The following CAMK1D variants were observed in gnomAD, a reference collection of about 807,000 sequenced individuals.
CAMK1D encodes the protein calcium/calmodulin-dependent protein kinase type 1D.
Under a neutral mutation model 47.7 loss-of-function variants are expected in CAMK1D, and 9 were observed. That is an observed-to-expected ratio of 0.19 (90% CI 0.11 to 0.33). The LOEUF is 0.33. Ranked by LOEUF, CAMK1D falls within the 10% of genes least tolerant of loss-of-function variation. The pLI is 1.00. For missense variants in CAMK1D, 291 were observed against 488.7 expected, an observed-to-expected ratio of 0.60 and a Z score of 3.81; for synonymous variants, 184 against 184.9, an observed-to-expected ratio of 0.99 and a Z score of 0.04.
At chr10:12,716,472 C>G (rs1005912985) in intron 3 of CAMK1D, among the ~76,000 whole-genome samples, 2 of 152,088 alleles carry the variant, frequency 1.3e-5, no homozygotes, top group Non-Finnish European at 2.9e-5. Flanking sequence ...ACGTGTTGAG[C>G]CAATTTGTTC....
intron 1 of CAMK1D, among the ~76,000 whole-genome samples, chr10:12,424,077 C>T (rs1389297891): frequency 6.6e-6 from 1 of 152,146 alleles, no homozygotes; most frequent in Non-Finnish European, 1.5e-5. Context: ...GAAACTTCTC[C>T]CTCGCATGTC....
chr10:12,374,258 C>CA lies in CAMK1D; in HGVS notation c.92+24370dup, dbSNP rs56312810. ...CTTGTGACAGAGCGAGACTCTGTCT[C>CA]AAAAAAAAAAAAAAAAAAAAAAGAA... On this transcript the variant is annotated intron_variant, in intron 1 of 10. Coordinates refer to ENST00000619168, the MANE Select transcript of CAMK1D (RefSeq NM_153498.4). 2.5e-3 allele frequency among the ~76,000 whole-genome samples: 233 copies of CA among 91,642 alleles called. 3 individuals carry two copies. The highest frequency in any genetic ancestry group is 5.8e-3 in the Middle Eastern group (1 of 172). 60.1% of individuals were successfully genotyped at this position (91,642 alleles called of 152,430 possible).
chr10:12,787,132 AAAGAAG>A (rs61193558), intron 5 of CAMK1D, among the ~76,000 whole-genome samples: 38,616 of 150,896 alleles, frequency 0.26, 5,255 homozygotes, highest in South Asian at 0.41. Flanking sequence ...CAAAGAAAAA[AAAGAAG>A]AAGAAGAAGA....
chr10:12,574,442 C>T (rs1837426827), intron 2 of CAMK1D, among the ~76,000 whole-genome samples: 1 of 144,414 alleles, frequency 6.9e-6, no homozygotes, highest in Non-Finnish European at 1.5e-5. Context: ...GCTGGGATTA[C>T]AGGTGCACAC....
At chr10:12,767,369 G>A (rs1836816058) in intron 4 of CAMK1D, among the ~76,000 whole-genome samples, 1 of 152,012 alleles carries the variant, frequency 6.6e-6, no homozygotes. Flanking sequence ...TAGAGACGGG[G>A]TTTCTCCATG....
At chr10:12,560,041 A>G (rs1395814980) in intron 2 of CAMK1D, among the ~76,000 whole-genome samples, 1 of 152,154 alleles carries the variant, frequency 6.6e-6, no homozygotes, top group East Asian at 1.9e-4. Context: ...AATGCGGACC[A>G]GAGGGAGGGC....
At chr10:12,385,321 A>ATG (rs1290763691) in intron 1 of CAMK1D, among the ~76,000 whole-genome samples, 2 of 152,246 alleles carry the variant, frequency 1.3e-5, no homozygotes, top group Non-Finnish European at 2.9e-5. Context: ...AGTGTTATTG[A>ATG]TGTAGCCAAA....
chr10:12,537,428 C>T (rs1263868423), intron 1 of CAMK1D, among the ~76,000 whole-genome samples: 1 of 152,154 alleles, frequency 6.6e-6, no homozygotes, highest in African/African-American at 2.4e-5. Flanking sequence ...CAGGTATAGC[C>T]AGATTAGTTT....
At chr10:12,652,618 G>A (rs1441061578) in intron 2 of CAMK1D, among the ~76,000 whole-genome samples, 3 of 152,000 alleles carry the variant, frequency 2.0e-5, no homozygotes, top group African/African-American at 7.2e-5. Flanking sequence ...AAAACTAGGT[G>A]AATAGTAACG....
chr10:12,621,801 TTG>T (rs34900693), intron 2 of CAMK1D, among the ~76,000 whole-genome samples: 14 of 151,634 alleles, frequency 9.2e-5, no homozygotes, highest in Non-Finnish European at 1.8e-4. Flanking sequence ...TTAGTTCTAG[TTG>T]TGTGTGTGTG....
At position 12,763,780 on chromosome 10, in the gene CAMK1D, GATTATTATAAA is replaced by G. The variant is rs112007771; in HGVS notation, c.438+2695_438+2705del. On this transcript the variant is annotated intron_variant, in intron 4 of 10. Transcript: ENST00000619168. The stretch of plus-strand genomic sequence containing the variant: ...CGATCTTATTAAAGCTTATTATGTG[GATTATTATAAA>G]GTGTTGGGGTTGATATTCCAACTCA... Among the ~76,000 whole-genome samples the G allele has an allele frequency of 9.4e-3, 1,438 of 152,304 alleles. 28 individuals carry two copies. Among genetic ancestry groups the G allele is most frequent in the African/African-American group, 0.033 (1,354 of 41,558 alleles).
At chr10:12,515,350 G>A (rs1013039498) in intron 1 of CAMK1D, among the ~76,000 whole-genome samples, 8 of 149,710 alleles carry the variant, frequency 5.3e-5, no homozygotes, top group Non-Finnish European at 8.9e-5. Flanking sequence ...TGTCCAGCCC[G>A]AAGCCTCGGC....
chr10:12,465,914 C>G (rs1156522324), intron 1 of CAMK1D, among the ~76,000 whole-genome samples: 1 of 152,128 alleles, frequency 6.6e-6, no homozygotes, highest in East Asian at 1.9e-4. Flanking sequence ...CTGCTAGAAG[C>G]AGATAGGAAG....
At chr10:12,566,438 C>T (rs1837127142) in intron 2 of CAMK1D, among the ~76,000 whole-genome samples, 1 of 152,176 alleles carries the variant, frequency 6.6e-6, no homozygotes, top group Admixed American at 6.5e-5. Context: ...ATCAGTTTCA[C>T]CATTTTTCTT....
chr10:12,826,929 G>A (rs1833230294), intron 10 of CAMK1D, among the ~76,000 whole-genome samples: 1 of 152,202 alleles, frequency 6.6e-6, no homozygotes, highest in African/African-American at 2.4e-5. Context: ...CCATGTCTGA[G>A]CACACAGACT....
intron 4 of CAMK1D, among the ~76,000 whole-genome samples, chr10:12,764,548 C>T (rs186275455): frequency 7.9e-5 from 12 of 152,192 alleles, no homozygotes; most frequent in African/African-American, 2.9e-4. Context: ...CAGGATTATG[C>T]CTTGTTTAGC....
intron 1 of CAMK1D, among the ~76,000 whole-genome samples, chr10:12,475,297 A>AGC (rs1367527664): frequency 1.3e-5 from 2 of 152,108 alleles, no homozygotes; most frequent in Admixed American, 1.3e-4. Flanking sequence ...TCCTCTCCCC[A>AGC]GCACCTGGCA....
chr10:12,741,566 CT>C (rs1455039639), intron 3 of CAMK1D, among the ~76,000 whole-genome samples: 2 of 152,120 alleles, frequency 1.3e-5, no homozygotes, highest in Non-Finnish European at 2.9e-5. Flanking sequence ...TTCAGGGAAC[CT>C]TTTGGTTTTC....
chr10:12,608,795 G>A (rs1411987163), intron 2 of CAMK1D, among the ~76,000 whole-genome samples: 1 of 152,214 alleles, frequency 6.6e-6, no homozygotes, highest in Non-Finnish European at 1.5e-5. Context: ...AACTAGAAAG[G>A]GCATTGTAGA....
Sources: gnomAD v4.1 joint callset for allele counts (sites outside exome capture counted in the v4.1 genomes callset) on GRCh38, gnomAD v4.1.1 for gene constraint, MANE v1.5 for transcripts, NCBI Gene and HGNC (gene_info 2026-07-23, HGNC 2026-07-21) for gene names.